Variants in PRKG1 observed in about 807,000 individuals in gnomAD.
PRKG1 encodes the protein cGMP-dependent protein kinase 1.
In PRKG1, 35 loss-of-function variants were observed where a neutral mutation model predicts 88.1. The observed-to-expected ratio is 0.40, with a 90% CI of 0.30 to 0.53. The LOEUF is 0.53. Among genes scored for constraint, PRKG1 ranks in the 20% least tolerant of loss-of-function variants. PRKG1 has a pLI of 0.59. For missense variants in PRKG1, 540 were observed against 839.8 expected (o/e 0.64, Z 4.41); for synonymous variants, 303 against 292.5 (o/e 1.04, Z -0.37).
At chr10:52,013,300 T>A (rs1056937620) in intron 5 of PRKG1, among the ~76,000 whole-genome samples, 7 of 152,164 alleles carry the variant, frequency 4.6e-5, no homozygotes, top group Middle Eastern at 3.4e-3. Context: ...ACACCTGTAG[T>A]ACCAGCTACT....
intron 2 of PRKG1, among the ~76,000 whole-genome samples, chr10:51,407,764 A>G (rs545734008): frequency 2.6e-5 from 4 of 152,200 alleles, no homozygotes; most frequent in Admixed American, 6.5e-5. Context: ...ATCACAGGGC[A>G]TGGTAACACT....
intron 3 of PRKG1, among the ~76,000 whole-genome samples, chr10:51,793,928 G>GT (rs996128962): frequency 2.0e-5 from 3 of 151,918 alleles, no homozygotes; most frequent in East Asian, 1.9e-4. Flanking sequence ...CATCCAGCTA[G>GT]TTTTTTTGTA....
intron 2 of PRKG1, among the ~76,000 whole-genome samples, chr10:51,321,242 T>G (rs1228523665): frequency 6.6e-6 from 1 of 152,172 alleles, no homozygotes; most frequent in Non-Finnish European, 1.5e-5. Context: ...GCACGTTACT[T>G]AAATCCTCCA....
intron 3 of PRKG1, among the ~76,000 whole-genome samples, chr10:51,715,218 C>T (rs1380132916): frequency 6.6e-6 from 1 of 152,142 alleles, no homozygotes; most frequent in Non-Finnish European, 1.5e-5. Context: ...CACCTCACTC[C>T]ACAAAAGCAT....
chr10:51,886,104 C>A (rs1319394935), intron 4 of PRKG1, among the ~76,000 whole-genome samples: 2 of 152,172 alleles, frequency 1.3e-5, no homozygotes, highest in East Asian at 3.9e-4. Flanking sequence ...TAGCTCACTG[C>A]AACCTTGAAC....
At chr10:52,167,850 T>C (rs1191660325) in intron 9 of PRKG1, among the ~76,000 whole-genome samples, 2 of 152,202 alleles carry the variant, frequency 1.3e-5, no homozygotes, top group Non-Finnish European at 2.9e-5. Flanking sequence ...ACTATAGATA[T>C]GTAAATGCAC....
intron 5 of PRKG1, among the ~76,000 whole-genome samples, chr10:51,965,625 G>A (rs1843548557): frequency 6.6e-6 from 1 of 152,124 alleles, no homozygotes; most frequent in African/African-American, 2.4e-5. Context: ...CAAGGTATTT[G>A]ATGAGATTTG....
chr10:51,371,606 C>T (rs1842707976), intron 2 of PRKG1, among the ~76,000 whole-genome samples: 1 of 152,108 alleles, frequency 6.6e-6, no homozygotes, highest in East Asian at 1.9e-4. Context: ...TTGTGAGTAA[C>T]ACTCCTATTC....
intron 3 of PRKG1, among the ~76,000 whole-genome samples, chr10:51,639,752 G>A (rs1358626459): frequency 6.6e-6 from 1 of 151,644 alleles, no homozygotes; most frequent in Non-Finnish European, 1.5e-5. Flanking sequence ...ATGTTAGGTT[G>A]GTGTAAAAGT....
At chr10:51,543,924 C>T (rs1842379051) in intron 3 of PRKG1, among the ~76,000 whole-genome samples, 1 of 152,108 alleles carries the variant, frequency 6.6e-6, no homozygotes, top group South Asian at 2.1e-4. Context: ...TATGGATACC[C>T]TTTCCAATTC....
chr10:52,051,706 C>T (rs1447113085), intron 5 of PRKG1, among the ~76,000 whole-genome samples: 1 of 152,226 alleles, frequency 6.6e-6, no homozygotes, highest in Non-Finnish European at 1.5e-5. Context: ...GTCACAGAAG[C>T]TCAGAGAGGG....
At chr10:51,300,710 T>C (rs1340599787) in intron 2 of PRKG1, among the ~76,000 whole-genome samples, 1 of 152,218 alleles carries the variant, frequency 6.6e-6, no homozygotes, top group Non-Finnish European at 1.5e-5. Context: ...AACAATGTTC[T>C]TCTTGTTCCA....
chr10:51,659,779 C>A (rs191326663), intron 3 of PRKG1, among the ~76,000 whole-genome samples: 1 of 152,046 alleles, frequency 6.6e-6, no homozygotes, highest in East Asian at 1.9e-4. Context: ...TTGGAAGATG[C>A]CAATTAAATG....
Position 52,181,292 on chromosome 10 carries a change from A to G in PRKG1, c.1076+19329A>G, listed in dbSNP as rs575036073. On this transcript the variant is annotated intron_variant, in intron 9 of 17. Coordinates refer to ENST00000373980, the MANE Select transcript of PRKG1 (RefSeq NM_006258.4). ...ACATGTCTCCTGGGGGTGGCCTGGG[A>G]CATGAGAACACAGCTGCTCAGTCAG... 4.6e-5 allele frequency among the ~76,000 whole-genome samples: 7 copies of G among 152,152 alleles called. No homozygotes were observed. In the South Asian group the frequency reaches 1.5e-3, roughly 32 times the overall value.
chr10:51,670,743 AAT>A lies in PRKG1; in HGVS notation c.593-133840_593-133839del, dbSNP rs1427626527. On this transcript the variant is annotated intron_variant, in intron 3 of 17. Transcript: ENST00000373980. ...AGAGCGAGACTCCGTCTCAAAAAAA[AAT>A]AAATAAATAAATAAATAAATAAATA... Among the ~76,000 whole-genome samples, 30 of 72,380 alleles carry A rather than the reference AAT, an allele frequency of 4.1e-4. 1 individual carries two copies. Among genetic ancestry groups the A allele is most frequent in the Middle Eastern group, 6.3e-3 (1 of 160 alleles). 47.5% of individuals were successfully genotyped at this position (72,380 alleles called of 152,430 possible). A position where few individuals can be genotyped will look rare whatever the true frequency, so the allele number is the denominator to read the frequency against.
chr10:51,053,208 C>T (rs555279135), intron 1 of PRKG1, among the ~76,000 whole-genome samples: 19 of 151,194 alleles, frequency 1.3e-4, no homozygotes, highest in Admixed American at 7.3e-4. Context: ...CCAGTCTGGG[C>T]GATAGCGCAA....
intron 2 of PRKG1, among the ~76,000 whole-genome samples, chr10:51,155,688 C>A (rs756522706): frequency 6.6e-6 from 1 of 151,850 alleles, no homozygotes; most frequent in African/African-American, 2.4e-5. Context: ...GCTGGCAAGT[C>A]CAAAATCTAC....
At chr10:51,752,143 T>G (rs980506899) in intron 3 of PRKG1, among the ~76,000 whole-genome samples, 1 of 146,586 alleles carries the variant, frequency 6.8e-6, no homozygotes, top group Non-Finnish European at 1.5e-5. Context: ...TTTCCATCAT[T>G]GTTTATGTCC....
intron 1 of PRKG1, among the ~76,000 whole-genome samples, chr10:50,995,079 T>C (rs1341596810): frequency 1.3e-5 from 2 of 152,224 alleles, no homozygotes; most frequent in East Asian, 3.8e-4. Context: ...AGGATGACTC[T>C]GTAGGAATTT....
Sources: allele counts gnomAD v4.1 joint callset (sites outside exome capture counted in the v4.1 genomes callset), GRCh38; gene constraint gnomAD v4.1.1; transcripts MANE v1.5; gene names NCBI Gene and HGNC (gene_info 2026-07-23, HGNC 2026-07-21).